Variants in TBCEL observed in about 807,000 individuals in gnomAD.
The protein encoded by TBCEL is tubulin-specific chaperone cofactor E-like protein.
TBCEL carries 15 observed loss-of-function variants against 44.2 expected under a neutral mutation model. The ratio of observed to expected loss-of-function variants is 0.34; its 90% confidence interval spans 0.23 to 0.52. The LOEUF is 0.52. Ranked by LOEUF, TBCEL falls within the 20% of genes least tolerant of loss-of-function variation. TBCEL has a pLI of 0.95. For synonymous variants in TBCEL, 171 were observed against 185.4 expected (o/e 0.92, Z 0.63); for missense variants, 319 against 506.3 (o/e 0.63, Z 3.55).
chr11:121,027,003 CTACTA>C (rs1438964480), intron 1 of TBCEL, among the ~76,000 whole-genome samples: 1 of 152,180 alleles, frequency 6.6e-6, no homozygotes, highest in African/African-American at 2.4e-5. Context: ...TGCCTCCAAA[CTACTA>C]TGGTTTTGAA....
intron 8 of TBCEL, among the ~76,000 whole-genome samples, chr11:121,084,047 C>T (rs1272921069): frequency 6.6e-6 from 1 of 152,168 alleles, no homozygotes; most frequent in Non-Finnish European, 1.5e-5. Context: ...ACTCACTTTA[C>T]CAGGATAACG....
At chr11:121,057,552 A>G in intron 6 of TBCEL, 1 of 452,660 alleles carries the variant, frequency 2.2e-6, no homozygotes, top group Non-Finnish European at 4.4e-6. Flanking sequence ...TCAACCCTCC[A>G]TATTCATGGA....
rs1411238601 is a variant in TBCEL at position 121,088,797 on chromosome 11, C to G, written c.*1701C>G. 1.3e-5 allele frequency: 2 copies of G among 152,086 alleles called. No individual in the cohort carries two copies. Among genetic ancestry groups the G allele is most frequent in the African/African-American group, 4.8e-5 (2 of 41,418 alleles). The allele number at this position is 152,086 out of a possible 1,614,324, so 9.4% of individuals were successfully genotyped here. A position where few individuals can be genotyped will look rare whatever the true frequency, so the allele number is the denominator to read the frequency against. ...CACTTCAGGTTTGCTATCTGTAAAG[C>G]CTTTGACCCAGGCCTACTGAGTCAA... is the stretch of plus-strand genomic sequence containing the variant. On this transcript the variant is annotated 3_prime_UTR_variant, in exon 9 of 9. Transcript: ENST00000683345.
At chr11:121,059,899 A>G (rs991617498) in intron 7 of TBCEL, 70 bp from the exon 8 acceptor site, 9 of 1,092,326 alleles carry the variant, frequency 8.2e-6, no homozygotes, top group African/African-American at 4.7e-5. Flanking sequence ...CCACAAGCCA[A>G]TTAGTTTCTT....
chr11:121,062,553 T>C (rs1329793662), intron 8 of TBCEL, among the ~76,000 whole-genome samples: 1 of 152,154 alleles, frequency 6.6e-6, no homozygotes, highest in Non-Finnish European at 1.5e-5. Context: ...CTGTGGTCCA[T>C]TGTTGACCAA....
At position 121,088,008 on chromosome 11, in the gene TBCEL, C is replaced by T. The variant is rs1946243378; in HGVS notation, c.*912C>T. 6.6e-6 allele frequency: 1 copy of T among 152,070 alleles called. No individual in the cohort carries two copies. The highest frequency in any genetic ancestry group is 1.5e-5 in the Non-Finnish European group (1 of 68,028). The allele number at this position is 152,070 out of a possible 1,614,324, so 9.4% of individuals were successfully genotyped here. A position where few individuals can be genotyped will look rare whatever the true frequency, so the allele number is the denominator to read the frequency against. On this transcript the variant is annotated 3_prime_UTR_variant, in exon 9 of 9. Transcript: ENST00000683345. Reference sequence around the variant, plus strand: ...ACTTTAAACTATTGGGAATTGAGGCCTGACTTCATAAATAATTCAATAGAG... The same window carrying T: ...ACTTTAAACTATTGGGAATTGAGGCTTGACTTCATAAATAATTCAATAGAG...
Position 121,087,200 on chromosome 11 carries a change from T to C in TBCEL, c.*104T>C. 1 of 1,220,512 alleles carries C rather than the reference T, an allele frequency of 8.2e-7. No individual in the cohort carries two copies. The highest frequency in any genetic ancestry group is 1.6e-5 in the South Asian group (1 of 64,084). The allele number at this position is 1,220,512 out of a possible 1,614,324, so 75.6% of individuals were successfully genotyped here. ...GGGAGAGGTTGTTTTTGTTTTGTTTTGTTCTGTTTAGGTTTGGGAAGGATT... is the reference window on the plus strand; with the variant it reads ...GGGAGAGGTTGTTTTTGTTTTGTTTCGTTCTGTTTAGGTTTGGGAAGGATT... On this transcript the variant is annotated 3_prime_UTR_variant, in exon 9 of 9. Transcript: ENST00000683345.
chr11:121,069,543 C>A (rs951194613), intron 8 of TBCEL, among the ~76,000 whole-genome samples: 5 of 152,138 alleles, frequency 3.3e-5, no homozygotes, highest in African/African-American at 1.2e-4. Flanking sequence ...GTAATCCCAG[C>A]ACTTTGGGAG....
At chr11:121,056,983 A>G (rs1945633661) in intron 6 of TBCEL, among the ~76,000 whole-genome samples, 1 of 151,892 alleles carries the variant, frequency 6.6e-6, no homozygotes, top group African/African-American at 2.4e-5. Context: ...AAATACCTAC[A>G]TAATTAGAAA....
chr11:121,058,510 C>G, intron 7 of TBCEL, 39 bp downstream of exon 7: 1 of 1,606,692 alleles, frequency 6.2e-7, no homozygotes, highest in Non-Finnish European at 8.5e-7. Flanking sequence ...TTTTGTGAGG[C>G]CTTATTGTTT....
intron 8 of TBCEL, among the ~76,000 whole-genome samples, chr11:121,075,522 T>C (rs1214189802): frequency 1.3e-5 from 2 of 151,986 alleles, no homozygotes; most frequent in Non-Finnish European, 2.9e-5. Flanking sequence ...CAAGAAAACT[T>C]TGCTGGAGTT....
Position 121,088,052 on chromosome 11 carries a change from G to A in TBCEL, c.*956G>A, listed in dbSNP as rs895203112. On this transcript the variant is annotated 3_prime_UTR_variant, in exon 9 of 9. Transcript: ENST00000683345. Reference sequence around the variant, plus strand: ...AATAGAGTCCTGGATACGTGCACCAGGAGAGTTGAGAATTAGCTCATAAAC... The same window carrying A: ...AATAGAGTCCTGGATACGTGCACCAAGAGAGTTGAGAATTAGCTCATAAAC... 1.3e-5 allele frequency: 2 copies of A among 152,196 alleles called. No individual in the cohort carries two copies. The highest frequency in any genetic ancestry group is 4.8e-5 in the African/African-American group (2 of 41,456). 9.4% of individuals were successfully genotyped at this position (152,196 alleles called of 1,614,324 possible).
At chr11:121,068,385 T>C (rs933763619) in intron 8 of TBCEL, among the ~76,000 whole-genome samples, 1 of 148,722 alleles carries the variant, frequency 6.7e-6, no homozygotes, top group Admixed American at 6.7e-5. Flanking sequence ...ATCTGGTCTG[T>C]TTTTTTTTTC....
At chr11:121,043,200 C>T (rs1205400321) in intron 2 of TBCEL, among the ~76,000 whole-genome samples, 2 of 152,074 alleles carry the variant, frequency 1.3e-5, no homozygotes, top group Admixed American at 6.6e-5. Context: ...AATTCTCTGC[C>T]CTTTCTTCTC....
chr11:121,056,640 A>G (rs1591398341), intron 6 of TBCEL, among the ~76,000 whole-genome samples: 1 of 151,814 alleles, frequency 6.6e-6, no homozygotes, highest in Non-Finnish European at 1.5e-5. Context: ...TCCTTACCAG[A>G]GTTTGATGTT....
chr11:121,075,171 C>T (rs1946011049), intron 8 of TBCEL, among the ~76,000 whole-genome samples: 2 of 151,900 alleles, frequency 1.3e-5, no homozygotes, highest in African/African-American at 2.4e-5. Flanking sequence ...TCACAGTAAT[C>T]AAGAGATTGT....
chr11:121,084,080 G>A lies in TBCEL; in HGVS notation c.957-2698G>A, dbSNP rs77305315. Among the ~76,000 whole-genome samples, 257 of 152,272 alleles carry A rather than the reference G, an allele frequency of 1.7e-3. 1 individual carries two copies. The highest frequency in any genetic ancestry group is 5.5e-3 in the African/African-American group (227 of 41,554). On this transcript the variant is annotated intron_variant, in intron 8 of 8. Transcript: ENST00000683345. The stretch of plus-strand genomic sequence containing the variant: ...ACGGGTGGACTCCCTCTATAACAGC[G>A]TTAATCTATTCATGAAGGCAGAGCC...
chr11:121,058,452 A>C lies in TBCEL; in HGVS notation c.820A>C (p.Arg274=), dbSNP rs1291060052. The change falls in exon 7 of 9, where the codon AGG becomes CGG. Residue 274 remains arginine, a synonymous_variant. Transcript: ENST00000683345. ...LLQPYTTEER[R]KLVIARLPSV... ...GCAGCCATATACCACCGAGGAGCGAAGGAAATTGGTAATAGCCAGGTCTGT... is the reference window on the plus strand; with the variant it reads ...GCAGCCATATACCACCGAGGAGCGACGGAAATTGGTAATAGCCAGGTCTGT... 1 of 1,611,470 alleles carries C rather than the reference A, an allele frequency of 6.2e-7. No homozygotes were observed. Among genetic ancestry groups the C allele is most frequent in the East Asian group, 2.2e-5 (1 of 44,818 alleles).
chr11:121,067,890 A>C (rs186973022), intron 8 of TBCEL, among the ~76,000 whole-genome samples: 8 of 152,350 alleles, frequency 5.3e-5, no homozygotes, highest in African/African-American at 1.4e-4. Context: ...ACTGGGCTTC[A>C]AGCTAGAGAT....
Sources: gnomAD v4.1 joint callset for allele counts (sites outside exome capture counted in the v4.1 genomes callset) on GRCh38, gnomAD v4.1.1 for gene constraint, MANE v1.5 for transcripts, NCBI Gene and HGNC (gene_info 2026-07-23, HGNC 2026-07-21) for gene names.